CPXM2: variants seen among roughly 807,000 people sequenced by gnomAD.
CPXM2 encodes carboxypeptidase X, M14 family member 2, also known as inactive carboxypeptidase-like protein X2.
CPXM2 carries 66 observed loss-of-function variants against 86.1 expected under a neutral mutation model. That is an observed-to-expected ratio of 0.77 (90% confidence interval 0.63 to 0.94). The LOEUF (loss-of-function observed/expected upper bound fraction) is 0.94. CPXM2 is among the 40% of genes least tolerant of loss of function. The probability of loss-of-function intolerance (pLI) is 0.00; values close to 1 mark genes in which losing one functional copy is unlikely to be tolerated. For missense variants in CPXM2, 948 were observed against 1,026.3 expected (o/e 0.92, Z 1.04); for synonymous variants, 388 against 400.2 (o/e 0.97, Z 0.36).
At chr10:123,910,523 C>T (rs79647268) in intron 2 of CPXM2, among the ~76,000 whole-genome samples, 290 of 152,286 alleles carry the variant, frequency 1.9e-3, no homozygotes, top group African/African-American at 6.4e-3. Flanking sequence ...CTTCACTTCC[C>T]GTCAGCAAGG....
chr10:123,823,475 C>G (rs938001065), intron 4 of CPXM2, among the ~76,000 whole-genome samples: 2 of 152,098 alleles, frequency 1.3e-5, no homozygotes, highest in Non-Finnish European at 2.9e-5. Flanking sequence ...GTGATTATTA[C>G]CTCCAGTAAA....
upstream of CPXM2, among the ~76,000 whole-genome samples, chr10:123,942,111 T>C (rs1010624243): frequency 2.6e-5 from 4 of 152,198 alleles, no homozygotes; most frequent in Non-Finnish European, 5.9e-5. Flanking sequence ...TGCAAATGGC[T>C]CTAGTCCACA....
chr10:123,889,036 A>T (rs144055076), intron 1 of CPXM2, among the ~76,000 whole-genome samples: 14 of 152,234 alleles, frequency 9.2e-5, no homozygotes, highest in Admixed American at 3.9e-4. Context: ...TCCAAAACCA[A>T]ATGAGCTTTT....
Position 123,878,296 on chromosome 10 carries a change from CTTTTTTTT to C in CPXM2, c.403+1907_403+1914del, listed in dbSNP as rs72163200. 2.3e-4 allele frequency among the ~76,000 whole-genome samples: 28 copies of C among 122,836 alleles called. No individual in the cohort carries two copies. The East Asian group carries it at 8.4e-3, about 37-fold the overall frequency. The allele number at this position is 122,836 out of a possible 152,430, so 80.6% of individuals were successfully genotyped here. A position where few individuals can be genotyped will look rare whatever the true frequency, so the allele number is the denominator to read the frequency against. On this transcript the variant is annotated intron_variant, in intron 2 of 13. Transcript: ENST00000241305. ...TATCCTCGACCCCCTTTTTTTCTCT[CTTTTTTTT>C]TTTTTTTTTTTTTTTTTTTTAGTAA...
chr10:123,811,662 T>A (rs1287025768), intron 4 of CPXM2, among the ~76,000 whole-genome samples: 1 of 152,174 alleles, frequency 6.6e-6, no homozygotes, highest in Non-Finnish European at 1.5e-5. Context: ...AATTCTAAGC[T>A]GAGAGAATCT....
intron 3 of CPXM2, among the ~76,000 whole-genome samples, chr10:123,860,483 C>T (rs572110017): frequency 1.3e-5 from 2 of 152,246 alleles, no homozygotes; most frequent in Non-Finnish European, 2.9e-5. Context: ...AAACACCACG[C>T]TCCCCCGACC....
intron 11 of CPXM2, among the ~76,000 whole-genome samples, chr10:123,760,649 G>A (rs548610736): frequency 2.8e-4 from 42 of 152,264 alleles, no homozygotes; most frequent in East Asian, 1.5e-3. Context: ...CACAGCAGCC[G>A]TGTTACTGCA....
intron 4 of CPXM2, among the ~76,000 whole-genome samples, chr10:123,836,116 AC>A (rs897965462): frequency 1.3e-5 from 2 of 151,850 alleles, no homozygotes; most frequent in Non-Finnish European, 2.9e-5. Context: ...GGTCCAGTGT[AC>A]CCTGGAGATC....
At chr10:123,836,886 C>T (rs1375458190) in intron 4 of CPXM2, among the ~76,000 whole-genome samples, 5 of 150,690 alleles carry the variant, frequency 3.3e-5, no homozygotes, top group African/African-American at 1.2e-4. Context: ...TGGATCTTCC[C>T]CCCAGGTGAG....
chr10:123,871,027 T>C (rs1944887625), intron 2 of CPXM2, among the ~76,000 whole-genome samples: 1 of 152,220 alleles, frequency 6.6e-6, no homozygotes, highest in Non-Finnish European at 1.5e-5. Flanking sequence ...AGAATCGGGT[T>C]CCAGCCCATG....
At chr10:123,840,315 T>C (rs1463302489) in intron 4 of CPXM2, among the ~76,000 whole-genome samples, 1 of 152,196 alleles carries the variant, frequency 6.6e-6, no homozygotes, top group African/African-American at 2.4e-5. Context: ...AAAATCAGCA[T>C]GTACATACAC....
At chr10:123,903,800 A>G (rs1183400629) in intron 2 of CPXM2, among the ~76,000 whole-genome samples, 2 of 152,236 alleles carry the variant, frequency 1.3e-5, no homozygotes, top group Non-Finnish European at 2.9e-5. Flanking sequence ...GTGGAGCCAA[A>G]CCAATTAACT....
rs186101844 is a variant in CPXM2 at position 123,891,054 on chromosome 10, G to A, written c.304+302C>T. On this transcript the variant is annotated intron_variant, in intron 1 of 13. Transcript: ENST00000241305. The surrounding 1 kb of genome is among the most constrained non-coding windows in gnomAD (Gnocchi z 5.6). ...CCAGCAGAAAGACCCTTAGCTCAGG[G>A]GATTTCAAGCTTGAAACAAGAACTT... 6.6e-6 allele frequency among the ~76,000 whole-genome samples: 1 copy of A among 152,352 alleles called. No individual in the cohort carries two copies. Among genetic ancestry groups the A allele is most frequent in the East Asian group, 1.9e-4 (1 of 5,174 alleles).
intron 4 of CPXM2, among the ~76,000 whole-genome samples, chr10:123,829,060 G>C (rs1228171052): frequency 6.6e-6 from 1 of 152,122 alleles, no homozygotes; most frequent in African/African-American, 2.4e-5. Flanking sequence ...ATGGACAAAA[G>C]ACAGGAAGAA....
At chr10:123,894,232 C>T (rs546496570), upstream of CPXM2, among the ~76,000 whole-genome samples, 1 of 152,304 alleles carries the variant, frequency 6.6e-6, no homozygotes, top group African/African-American at 2.4e-5. Context: ...TACCGCTTTT[C>T]AGCACCTCTT....
intron 3 of CPXM2, among the ~76,000 whole-genome samples, chr10:123,859,585 G>GA (rs1341041412): frequency 4.3e-4 from 65 of 152,370 alleles, no homozygotes; most frequent in Non-Finnish European, 9.0e-4. Flanking sequence ...AGAGGCTGGG[G>GA]ATGGCGGGCC....
chr10:123,860,462 T>G (rs993104049), intron 3 of CPXM2, among the ~76,000 whole-genome samples: 3 of 152,152 alleles, frequency 2.0e-5, no homozygotes, highest in African/African-American at 4.8e-5. Context: ...AATTCCCAAC[T>G]GGAGGGACAA....
chr10:123,893,109 C>G (rs1389248890), upstream of CPXM2, among the ~76,000 whole-genome samples: 1 of 152,046 alleles, frequency 6.6e-6, no homozygotes, highest in Non-Finnish European at 1.5e-5. Flanking sequence ...GCCATGTTCC[C>G]TAACTTTTTG....
At chr10:123,900,961 C>G (rs949759691) in intron 2 of CPXM2, among the ~76,000 whole-genome samples, 2 of 152,098 alleles carry the variant, frequency 1.3e-5, no homozygotes, top group South Asian at 4.1e-4. Flanking sequence ...TCAGCCCACA[C>G]TAATTATCTG....
Sources: allele counts gnomAD v4.1 joint callset (sites outside exome capture counted in the v4.1 genomes callset), GRCh38; gene constraint gnomAD v4.1.1; non-coding constraint Gnocchi (gnomAD v3.1); transcripts MANE v1.5; gene names NCBI Gene and HGNC (gene_info 2026-07-23, HGNC 2026-07-21).